Variants in TRIM21 observed in about 807,000 individuals in gnomAD.
TRIM21 encodes tripartite motif containing 21.
TRIM21 carries 35 observed loss-of-function variants against 36.1 expected under a neutral mutation model. The observed-to-expected ratio is 0.97, with a 90% CI of 0.74 to 1.28. The LOEUF is 1.28. Ranked by LOEUF, TRIM21 falls within the 50% of genes most tolerant of loss-of-function variation. TRIM21 has a pLI of 0.00. For synonymous variants in TRIM21, 256 were observed against 211.5 expected (o/e 1.21, Z -1.83); for missense variants, 635 against 570.7 (o/e 1.11, Z -1.15).
In TRIM21 at chr11:4,390,414, A is replaced by C; in HGVS notation, c.-5T>G. 1 of 1,599,820 alleles carries C rather than the reference A, an allele frequency of 6.3e-7. No individual in the cohort carries two copies. The highest frequency in any genetic ancestry group is 8.6e-7 in the Non-Finnish European group (1 of 1,169,304). On this transcript the variant is annotated 5_prime_UTR_variant, in exon 2 of 7. Coordinates refer to ENST00000254436, the MANE Select transcript of TRIM21 (RefSeq NM_003141.4). ...CAAGCGTGCTGCTGAAGCCATTGTC[A>C]AGTGTGCCGTTAAACAGCAGTGTGG...
chr11:4,391,597 T>A (rs1038189406), intron 1 of TRIM21, among the ~76,000 whole-genome samples: 6 of 152,024 alleles, frequency 3.9e-5, no homozygotes, highest in Non-Finnish European at 8.8e-5. Flanking sequence ...AGAAAGGAAA[T>A]CAGTATATCA....
At chr11:4,393,433 G>T (rs886543515) in intron 1 of TRIM21, among the ~76,000 whole-genome samples, 200 bp downstream of exon 1, 4 of 152,162 alleles carry the variant, frequency 2.6e-5, no homozygotes, top group Admixed American at 2.6e-4. Flanking sequence ...CGGCAGTCAG[G>T]TCCACACCCC....
At chr11:4,388,093 A>C (rs1439525171) in intron 4 of TRIM21, among the ~76,000 whole-genome samples, 1 of 152,250 alleles carries the variant, frequency 6.6e-6, no homozygotes, top group African/African-American at 2.4e-5. Flanking sequence ...TTCTAAGTGC[A>C]ACATAAATTG....
In TRIM21 at chr11:4,385,016, A is replaced by AAGTCCC; in HGVS notation, c.*263_*268dup. 2.5e-6 allele frequency: 1 copy of AAGTCCC among 408,090 alleles called. No individual in the cohort carries two copies. The highest frequency in any genetic ancestry group is 4.3e-6 in the Non-Finnish European group (1 of 230,388). The allele number at this position is 408,090 out of a possible 1,614,324, so 25.3% of individuals were successfully genotyped here. ...GATGGAGAGGAGAAAAAAAAAACTT[A>AAGTCCC]AGTCCCATAAAGAAGGCAGAAACAT... is the stretch of plus-strand genomic sequence containing the variant. On this transcript the variant is annotated 3_prime_UTR_variant, in exon 7 of 7. Transcript: ENST00000254436.
At chr11:4,387,092 G>C in intron 4 of TRIM21, 102 bp from the exon 5 acceptor site, 2 of 1,207,722 alleles carry the variant, frequency 1.7e-6, no homozygotes, top group South Asian at 1.3e-5. Context: ...CTGGGGCACT[G>C]TTCCTCTCCT....
At chr11:4,392,068 G>A (rs1334828477) in intron 1 of TRIM21, among the ~76,000 whole-genome samples, 1 of 152,036 alleles carries the variant, frequency 6.6e-6, no homozygotes, top group Non-Finnish European at 1.5e-5. Context: ...TTAAAAATAA[G>A]AGTATAATTG....
chr11:4,385,203 C>T lies in TRIM21; in HGVS notation c.*82G>A. 1 of 1,379,634 alleles carries T rather than the reference C, an allele frequency of 7.2e-7. No individual in the cohort carries two copies. 85.5% of individuals were successfully genotyped at this position (1,379,634 alleles called of 1,614,324 possible). A position where few individuals can be genotyped will look rare whatever the true frequency, so the allele number is the denominator to read the frequency against. ...TGCCTCTGCAGAGACAAAGGTGGTT[C>T]AGAGTTCATGGGGAAAAGAGGCAGG... On this transcript the variant is annotated 3_prime_UTR_variant, in exon 7 of 7. Coordinates refer to ENST00000254436, the MANE Select transcript of TRIM21 (RefSeq NM_003141.4).
intron 6 of TRIM21, 148 bp downstream of exon 6, chr11:4,386,009 G>T: frequency 1.9e-6 from 2 of 1,057,962 alleles, no homozygotes; most frequent in South Asian, 1.5e-5. Context: ...CCTTGGTCCT[G>T]ACCTCTGAAG....
rs775898948 is a variant in TRIM21 at position 4,386,140 on chromosome 11, A to T, written c.859+17T>A. ...TCTGCACCCCATTATCCCCCGCAAA[A>T]CTAGAACTTGCCTCACCTGCACATG... On this transcript the variant is annotated intron_variant, in intron 6 of 6. Transcript: ENST00000254436. 5.6e-6 allele frequency: 9 copies of T among 1,611,686 alleles called. No homozygotes were observed. Among genetic ancestry groups the T allele is most frequent in the Non-Finnish European group, 7.6e-6 (9 of 1,179,280 alleles).
At position 4,388,469 on chromosome 11, in the gene TRIM21, A is replaced by G; in HGVS notation, c.566T>C (p.Leu189Pro). The change falls in exon 4 of 7, where the codon CTG becomes CCG. Residue 189 changes from leucine (L) to proline (P), a missense_variant. Leu to Pro is a moderately conservative substitution (Grantham distance 98). Transcript: ENST00000254436. ...CAGCTGCCTCTGTTCTTCTTCAACC[A>G]GGAAGTTTTTTTGCTGCACAAACTC... is the stretch of plus-strand genomic sequence containing the variant. ...HAEFVQQKNF[L>P]VEEEQRQLQE... 1.2e-6 allele frequency: 2 copies of G among 1,613,438 alleles called. No homozygotes were observed. Among genetic ancestry groups the G allele is most frequent in the Non-Finnish European group, 1.7e-6 (2 of 1,179,886 alleles).
chr11:4,385,423 G>C lies in TRIM21; in HGVS notation c.1290C>G (p.Ile430Met). The change falls in exon 7 of 7, where the codon ATC (isoleucine) becomes ATG (methionine). Residue 430 changes from isoleucine (I) to methionine (M), a missense_variant. Physicochemically the swap from Ile to Met is conservative, Grantham distance 10 (BLOSUM62 1). Coordinates refer to ENST00000254436, the MANE Select transcript of TRIM21 (RefSeq NM_003141.4). Reference sequence around the variant, plus strand: ...TAAAGGCACATTCAGAGAAGGAGTAGATGAGGGAGCCATGGTCAGTGATGT... The same window carrying C: ...TAAAGGCACATTCAGAGAAGGAGTACATGAGGGAGCCATGGTCAGTGATGT... ...FYNITDHGSLIYSFSECAFTG... is the reference protein window; with the variant it reads ...FYNITDHGSLMYSFSECAFTG... The C allele has an allele frequency of 1.9e-6, 3 of 1,613,754 alleles. No individual in the cohort carries two copies. The highest frequency in any genetic ancestry group is 2.5e-6 in the Non-Finnish European group (3 of 1,179,820).
At chr11:4,392,859 T>TACC (rs1476796145) in intron 1 of TRIM21, among the ~76,000 whole-genome samples, 1 of 152,200 alleles carries the variant, frequency 6.6e-6, no homozygotes, top group African/African-American at 2.4e-5. Context: ...TCCTGTCGGG[T>TACC]ACCAACAGGC....
rs1234757518 is a variant in TRIM21, at chr11:4,390,332, A to G, written c.78T>C (p.Pro26=). The G allele has an allele frequency of 6.2e-7, 1 of 1,613,954 alleles. No homozygotes were observed. Among genetic ancestry groups the G allele is most frequent in the East Asian group, 2.2e-5 (1 of 44,868 alleles). ...AGCTGTGGCCACACTCGATGCTCAC[A>G]GGCTCCACGAAGGGGTCCAGGCAGA... ...CPICLDPFVE[P]VSIECGHSFC... The change falls in exon 2 of 7, where the codon CCT becomes CCC. Residue 26 remains proline, a synonymous_variant. Transcript: ENST00000254436.
Position 4,390,092 on chromosome 11 carries a change from A to ATCTTTCTC in TRIM21, c.310_317dup (p.Asp106GlufsTer41), listed in dbSNP as rs1564810559. On this transcript the variant is annotated frameshift_variant, in exon 2 of 7. Coordinates refer to ENST00000254436, the MANE Select transcript of TRIM21 (RefSeq NM_003141.4). LOFTEE classifies it high-confidence loss of function. ...CACATACCCAGCAAAGGGCCTTCCC[A>ATCTTTCTC]TCTTTCTCACAGAACAGGTGAAGTC... 6.2e-7 allele frequency: 1 copy of ATCTTTCTC among 1,613,976 alleles called. No individual in the cohort carries two copies. The highest frequency in any genetic ancestry group is 1.1e-5 in the South Asian group (1 of 91,082).
intron 4 of TRIM21, among the ~76,000 whole-genome samples, chr11:4,387,817 G>T (rs1306618530): frequency 6.7e-6 from 1 of 149,300 alleles, no homozygotes; most frequent in African/African-American, 2.5e-5. Flanking sequence ...GGCAACAAGA[G>T]TGAAACTCTG....
Position 4,385,762 on chromosome 11 carries a change from G to A in TRIM21, c.951C>T (p.Ser317=), listed in dbSNP as rs895918997. 12 of 1,613,468 alleles carry A rather than the reference G, an allele frequency of 7.4e-6. No individual in the cohort carries two copies. The highest frequency in any genetic ancestry group is 1.3e-5 in the African/African-American group (1 of 74,924). ...CAAATCTCTCTTCATTTCCAGGTAT[G>A]CTCTGCTGGGTGTCTCCAAGCCTCA... ...RQVRLGDTQQ[S]IPGNEERFDS... The change falls in exon 7 of 7, where the codon AGC becomes AGT. Residue 317 remains serine (S), a synonymous_variant. Transcript: ENST00000254436.
chr11:4,392,332 C>T (rs990538408), intron 1 of TRIM21, among the ~76,000 whole-genome samples: 5 of 152,000 alleles, frequency 3.3e-5, no homozygotes, highest in East Asian at 1.9e-4. Context: ...TTTGGGAGGC[C>T]GAGGTGGGTG....
rs1309363127 is a variant in TRIM21 at position 4,384,993 on chromosome 11, T to C, written c.*292A>G. ...CTCACCAAAGACGACATCCTAGAGA[T>C]GGAGAGGAGAAAAAAAAAACTTAAG... is the stretch of plus-strand genomic sequence containing the variant. On this transcript the variant is annotated 3_prime_UTR_variant, in exon 7 of 7. Coordinates refer to ENST00000254436, the MANE Select transcript of TRIM21 (RefSeq NM_003141.4). The C allele has an allele frequency of 2.8e-6, 1 of 355,262 alleles. No individual in the cohort carries two copies. The highest frequency in any genetic ancestry group is 2.1e-5 in the African/African-American group (1 of 47,156). 22.0% of individuals were successfully genotyped at this position (355,262 alleles called of 1,614,324 possible).
chr11:4,384,986 C>T lies in TRIM21; in HGVS notation c.*299G>A, dbSNP rs576974038. 7 of 342,494 alleles carry T rather than the reference C, an allele frequency of 2.0e-5. No homozygotes were observed. Among genetic ancestry groups the T allele is most frequent in the Non-Finnish European group, 3.7e-5 (7 of 189,920 alleles). 21.2% of individuals were successfully genotyped at this position (342,494 alleles called of 1,614,324 possible). On this transcript the variant is annotated 3_prime_UTR_variant, in exon 7 of 7. Coordinates refer to ENST00000254436, the MANE Select transcript of TRIM21 (RefSeq NM_003141.4). ...TAGAGATCTCACCAAAGACGACATC[C>T]TAGAGATGGAGAGGAGAAAAAAAAA...
Sources: gnomAD v4.1 joint callset for allele counts (sites outside exome capture counted in the v4.1 genomes callset) on GRCh38, gnomAD v4.1.1 for gene constraint, MANE v1.5 for transcripts, NCBI Gene and HGNC (gene_info 2026-07-23, HGNC 2026-07-21) for gene names.